Variants in TNIP3 observed in about 807,000 individuals in gnomAD.
TNIP3 encodes the protein TNFAIP3-interacting protein 3.
Under a neutral mutation model 54.1 loss-of-function variants are expected in TNIP3, and 34 were observed. The observed-to-expected ratio is 0.63, with a 90% confidence interval of 0.48 to 0.84. The LOEUF (loss-of-function observed/expected upper bound fraction) is 0.84, where lower values mean the gene tolerates loss of function less well. TNIP3 is among the 40% of genes least tolerant of loss of function. The pLI is 0.00. For synonymous variants in TNIP3, 134 were observed against 136.8 expected, an observed-to-expected ratio of 0.98 and a Z score of 0.14; for missense variants, 366 against 387.6, an observed-to-expected ratio of 0.94 and a Z score of 0.47.
intron 2 of TNIP3, among the ~76,000 whole-genome samples, chr4:121,214,078 G>A (rs1364795927): frequency 6.6e-6 from 1 of 152,148 alleles, no homozygotes; most frequent in Non-Finnish European, 1.5e-5. Context: ...CAATGAGAAA[G>A]GAGTCAGTTC....
intron 5 of TNIP3, 30 bp from the exon 6 acceptor site, chr4:121,150,249 C>A: frequency 7.4e-7 from 1 of 1,343,462 alleles, no homozygotes; most frequent in South Asian, 1.3e-5. Flanking sequence ...CACTGTTGAT[C>A]TAAGATTTAC....
At chr4:121,209,379 G>C (rs1168140745) in intron 2 of TNIP3, among the ~76,000 whole-genome samples, 1 of 152,212 alleles carries the variant, frequency 6.6e-6, no homozygotes, top group Non-Finnish European at 1.5e-5. Context: ...AGTGTGGGCA[G>C]TCTTGTGGGA....
intron 5 of TNIP3, among the ~76,000 whole-genome samples, chr4:121,151,026 A>G (rs79721973): frequency 0.022 from 3,334 of 152,342 alleles, 80 homozygotes; most frequent in Admixed American, 0.036. Flanking sequence ...CATGATGGGC[A>G]TATCATTACA....
chr4:121,147,515 T>C (rs1729502342), intron 6 of TNIP3, among the ~76,000 whole-genome samples: 1 of 152,190 alleles, frequency 6.6e-6, no homozygotes, highest in Non-Finnish European at 1.5e-5. Context: ...TGTTAAAAGG[T>C]ATTCACAAAT....
rs370097974 is a variant in TNIP3, at chr4:121,225,235, A to C, written c.3+2150T>G. On this transcript the variant is annotated intron_variant, in intron 1 of 12. Coordinates refer to the TNIP3 transcript ENST00000509841. ...AATTGCCCCTTGTGACTGTCATCCA[A>C]GGTTTTTTACATACTTAGATTAATC... 4.5e-3 allele frequency among the ~76,000 whole-genome samples: 690 copies of C among 152,318 alleles called. 5 individuals carry two copies. Among genetic ancestry groups the C allele is most frequent in the African/African-American group, 0.016 (649 of 41,576 alleles).
At chr4:121,145,417 T>C (rs1729369704) in intron 7 of TNIP3, among the ~76,000 whole-genome samples, 4 of 152,068 alleles carry the variant, frequency 2.6e-5, no homozygotes, top group Admixed American at 2.6e-4. Flanking sequence ...ATACTGCATT[T>C]AGAAAATACA....
At chr4:121,183,066 AC>A (rs1479931174) in intron 2 of TNIP3, among the ~76,000 whole-genome samples, 2 of 152,162 alleles carry the variant, frequency 1.3e-5, no homozygotes, top group Non-Finnish European at 2.9e-5. Flanking sequence ...TGAATCGAAC[AC>A]TCACGGTGAG....
chr4:121,149,461 T>C (rs1244021539), intron 6 of TNIP3, among the ~76,000 whole-genome samples: 1 of 152,224 alleles, frequency 6.6e-6, no homozygotes, highest in Non-Finnish European at 1.5e-5. Flanking sequence ...TTGGGATTAA[T>C]AGTGTTCTTA....
intron 10 of TNIP3, among the ~76,000 whole-genome samples, chr4:121,135,744 T>G (rs1728744105): frequency 6.6e-6 from 1 of 152,208 alleles, no homozygotes; most frequent in South Asian, 2.1e-4. Context: ...AATTATTTTA[T>G]GAGAATTCTG....
At chr4:121,220,801 T>C (rs995399410), upstream of TNIP3, among the ~76,000 whole-genome samples, 17 of 152,114 alleles carry the variant, frequency 1.1e-4, no homozygotes, top group Non-Finnish European at 2.5e-4. Flanking sequence ...CCAGTCTGTG[T>C]GTTTTACTGA....
intron 2 of TNIP3, among the ~76,000 whole-genome samples, chr4:121,184,408 T>G (rs1351010958): frequency 6.6e-6 from 1 of 152,150 alleles, no homozygotes; most frequent in Admixed American, 6.5e-5. Context: ...GAACTTGCCT[T>G]TTGGTTATAA....
chr4:121,169,025 T>C (rs2148820022), upstream of TNIP3, among the ~76,000 whole-genome samples: 1 of 152,254 alleles, frequency 6.6e-6, no homozygotes, highest in African/African-American at 2.4e-5. Flanking sequence ...TTCCTGCTTC[T>C]ATTTTTGCTT....
At chr4:121,139,666 CT>C (rs1188985329) in intron 9 of TNIP3, among the ~76,000 whole-genome samples, 1 of 152,216 alleles carries the variant, frequency 6.6e-6, no homozygotes, top group Non-Finnish European at 1.5e-5. Context: ...CAATAAGACA[CT>C]GAGAAATGCT....
In TNIP3 at chr4:121,142,629, G is replaced by A. The variant is rs962244940; in HGVS notation, c.786+97C>T. ...GTAATGAAAAGCATGGGTTGTTGTAGGTCACCTGTAGCAGAGCTTGAACAT... is the reference window on the plus strand; with the variant it reads ...GTAATGAAAAGCATGGGTTGTTGTAAGTCACCTGTAGCAGAGCTTGAACAT... On this transcript the variant is annotated intron_variant, in intron 8 of 10. Coordinates refer to ENST00000057513, the MANE Select transcript of TNIP3 (RefSeq NM_024873.6). The A allele has an allele frequency of 1.2e-5, 13 of 1,111,812 alleles. No individual in the cohort carries two copies. In the African/African-American group the frequency reaches 1.7e-4, roughly 15 times the overall value. The allele number at this position is 1,111,812 out of a possible 1,614,324, so 68.9% of individuals were successfully genotyped here.
At chr4:121,155,662 C>T (rs1414826276) in intron 4 of TNIP3, among the ~76,000 whole-genome samples, 1 of 152,134 alleles carries the variant, frequency 6.6e-6, no homozygotes, top group Non-Finnish European at 1.5e-5. Flanking sequence ...TATCTCCTAC[C>T]TCTTAATTTT....
In TNIP3 at chr4:121,196,746, G is replaced by A. The variant is rs187071974; in HGVS notation, c.69-13950C>T. Among the ~76,000 whole-genome samples the A allele has an allele frequency of 1.3e-3, 201 of 151,662 alleles. 2 individuals are homozygous for A. Among genetic ancestry groups the A allele is most frequent in the East Asian group, 6.6e-3 (34 of 5,158 alleles). ...CAAGTACTTTAATCTTCTGTATAAA[G>A]GTTTTTATAATAATTGTTATAATAA... On this transcript the variant is annotated intron_variant, in intron 2 of 12. Coordinates refer to the TNIP3 transcript ENST00000507879.
chr4:121,209,855 C>T (rs1041776832), intron 2 of TNIP3, among the ~76,000 whole-genome samples: 2 of 152,260 alleles, frequency 1.3e-5, no homozygotes, highest in Admixed American at 6.5e-5. Flanking sequence ...AACTATTCTA[C>T]GTACTTCTTA....
upstream of TNIP3, among the ~76,000 whole-genome samples, chr4:121,217,145 A>C (rs1726831843): frequency 1.3e-5 from 2 of 152,244 alleles, no homozygotes; most frequent in Admixed American, 1.3e-4. Flanking sequence ...TACAGACTAC[A>C]TAGTATGTCA....
At chr4:121,223,639 G>A (rs1340349149) in intron 1 of TNIP3, among the ~76,000 whole-genome samples, 7 of 152,086 alleles carry the variant, frequency 4.6e-5, no homozygotes, top group Non-Finnish European at 1.0e-4. Flanking sequence ...ATTATCACAC[G>A]TGCATTTCAT....
Sources: gnomAD v4.1 joint callset for allele counts (sites outside exome capture counted in the v4.1 genomes callset) on GRCh38, gnomAD v4.1.1 for gene constraint, MANE v1.5 for transcripts, NCBI Gene and HGNC (gene_info 2026-07-23, HGNC 2026-07-21) for gene names.